GPC6: variants seen among roughly 807,000 people sequenced by gnomAD.
GPC6 encodes glypican-6.
Under a neutral mutation model 55.2 loss-of-function variants are expected in GPC6, and 14 were observed. The ratio of observed to expected loss-of-function variants is 0.25; its 90% CI spans 0.17 to 0.40. The LOEUF is 0.40. Ranked by LOEUF, GPC6 falls within the 10% of genes least tolerant of loss-of-function variation. GPC6 has a pLI of 1.00. For synonymous variants in GPC6, 278 were observed against 259.6 expected (o/e 1.07, Z -0.68); for missense variants, 641 against 708.5 (o/e 0.90, Z 1.08).
intron 1 of GPC6, among the ~76,000 whole-genome samples, chr13:93,449,679 T>G (rs540352072): frequency 6.6e-5 from 10 of 151,726 alleles, no homozygotes; most frequent in Non-Finnish European, 1.5e-4. Context: ...AATACAAAAA[T>G]TAGCCAGGCG....
intron 4 of GPC6, among the ~76,000 whole-genome samples, chr13:94,072,303 C>T (rs1051637397): frequency 6.6e-6 from 1 of 152,100 alleles, no homozygotes; most frequent in African/African-American, 2.4e-5. Context: ...CTTTTGCTTA[C>T]AATTTTTCCT....
chr13:93,416,176 T>A (rs895223278), intron 1 of GPC6, among the ~76,000 whole-genome samples: 2 of 152,106 alleles, frequency 1.3e-5, no homozygotes, highest in African/African-American at 4.8e-5. Context: ...CACTGGGTAC[T>A]GTCTCCTTGC....
chr13:93,290,034 A>G lies in GPC6; in HGVS notation c.160+62418A>G, dbSNP rs79917211. Reference sequence around the variant, plus strand: ...ATGGTAGAATTTCTTTACTCAGTTCAAAGGATTACTCATTTTTGTTTCATA... The same window carrying G: ...ATGGTAGAATTTCTTTACTCAGTTCGAAGGATTACTCATTTTTGTTTCATA... On this transcript the variant is annotated intron_variant, in intron 1 of 8. Transcript: ENST00000377047. 6.7e-3 allele frequency among the ~76,000 whole-genome samples: 1,013 copies of G among 152,284 alleles called. 12 individuals are homozygous for G. The highest frequency in any genetic ancestry group is 0.023 in the African/African-American group (955 of 41,560).
intron 4 of GPC6, among the ~76,000 whole-genome samples, chr13:94,097,653 G>T: frequency 6.6e-6 from 1 of 152,070 alleles, no homozygotes; most frequent in South Asian, 2.1e-4. Flanking sequence ...AAATAGTTAA[G>T]ATGGTAAATT....
At chr13:93,637,336 T>C (rs916303235) in intron 2 of GPC6, among the ~76,000 whole-genome samples, 4 of 152,156 alleles carry the variant, frequency 2.6e-5, no homozygotes, top group African/African-American at 9.7e-5. Flanking sequence ...TTGAGCCTCC[T>C]CATTCCCTGC....
intron 2 of GPC6, among the ~76,000 whole-genome samples, chr13:93,758,037 C>T (rs1222428451): frequency 1.4e-5 from 2 of 147,764 alleles, no homozygotes; most frequent in African/African-American, 5.3e-5. Context: ...ATTTTTTCCT[C>T]ACTTCTAGGC....
intron 6 of GPC6, among the ~76,000 whole-genome samples, chr13:94,371,228 G>A (rs1183396118): frequency 6.6e-6 from 1 of 152,024 alleles, no homozygotes; most frequent in Non-Finnish European, 1.5e-5. Context: ...TCAATCTCTA[G>A]ATTAAATATT....
intron 4 of GPC6, among the ~76,000 whole-genome samples, chr13:94,080,178 A>G (rs1429600255): frequency 1.3e-5 from 2 of 151,890 alleles, no homozygotes; most frequent in African/African-American, 4.8e-5. Flanking sequence ...CAATTCCCCA[A>G]CCCCCATGTG....
chr13:93,739,674 C>T (rs977867822), intron 2 of GPC6, among the ~76,000 whole-genome samples: 4 of 152,044 alleles, frequency 2.6e-5, no homozygotes, highest in African/African-American at 7.2e-5. Flanking sequence ...CGTGATCCAC[C>T]CGCCTCCACG....
intron 3 of GPC6, among the ~76,000 whole-genome samples, chr13:93,941,762 T>C (rs1484045500): frequency 2.6e-5 from 4 of 152,190 alleles, no homozygotes; most frequent in Non-Finnish European, 5.9e-5. Context: ...TAGACACTTA[T>C]ATAGACTTAT....
chr13:94,367,750 TTG>T (rs1248920757), intron 6 of GPC6, among the ~76,000 whole-genome samples: 1 of 152,166 alleles, frequency 6.6e-6, no homozygotes, highest in African/African-American at 2.4e-5. Flanking sequence ...AAACTAAGCA[TTG>T]TGTTTTCAAA....
chr13:93,840,952 T>C lies in GPC6; in HGVS notation c.711+10407T>C, dbSNP rs1887933429. Among the ~76,000 whole-genome samples, 4 of 152,174 alleles carry C rather than the reference T, an allele frequency of 2.6e-5. No homozygotes were observed. In the East Asian group the frequency reaches 7.7e-4, roughly 29 times the overall value. On this transcript the variant is annotated intron_variant, in intron 3 of 8. Transcript: ENST00000377047. ...ATCCCAGTCTCAATGCTGCCCATTT[T>C]TGGACATTTATTTCTGAATGCAATT...
intron 3 of GPC6, among the ~76,000 whole-genome samples, chr13:93,849,184 A>G (rs570904613): frequency 3.9e-5 from 6 of 152,142 alleles, no homozygotes; most frequent in Non-Finnish European, 7.4e-5. Flanking sequence ...TACTTCTATT[A>G]TATTACTTTT....
chr13:94,299,170 C>G (rs974564336), intron 5 of GPC6, among the ~76,000 whole-genome samples: 1 of 152,030 alleles, frequency 6.6e-6, no homozygotes, highest in Admixed American at 6.5e-5. Context: ...ATGGGTAATT[C>G]TGCGTAATCC....
At chr13:93,714,808 T>C (rs1037038823) in intron 2 of GPC6, among the ~76,000 whole-genome samples, 5 of 151,540 alleles carry the variant, frequency 3.3e-5, no homozygotes, top group African/African-American at 1.2e-4. Flanking sequence ...GTTACTATGT[T>C]TAATATGCAT....
intron 2 of GPC6, among the ~76,000 whole-genome samples, chr13:93,662,058 A>G (rs1234413821): frequency 3.9e-5 from 6 of 152,088 alleles, no homozygotes; most frequent in Non-Finnish European, 8.8e-5. Context: ...TATTCTCCCT[A>G]CTAGCATGAA....
At chr13:93,895,492 A>C (rs1417691807) in intron 3 of GPC6, among the ~76,000 whole-genome samples, 1 of 151,760 alleles carries the variant, frequency 6.6e-6, no homozygotes, top group Non-Finnish European at 1.5e-5. Context: ...TTGGGAATTG[A>C]TTCAAGTAAA....
chr13:94,288,941 A>ATTT (rs1874779104), intron 5 of GPC6, among the ~76,000 whole-genome samples: 2 of 7,802 alleles, frequency 2.6e-4, no homozygotes, highest in South Asian at 9.6e-3. Flanking sequence ...ATAGATAGAT[A>ATTT]GATAGATAGA....
At chr13:93,560,445 A>G (rs1875719431) in intron 2 of GPC6, among the ~76,000 whole-genome samples, 1 of 151,974 alleles carries the variant, frequency 6.6e-6, no homozygotes, top group Non-Finnish European at 1.5e-5. Flanking sequence ...ACTTCAGCCC[A>G]GGAGGTCCAG....
Sources: allele counts gnomAD v4.1 joint callset (sites outside exome capture counted in the v4.1 genomes callset), GRCh38; gene constraint gnomAD v4.1.1; transcripts MANE v1.5; gene names NCBI Gene and HGNC (gene_info 2026-07-23, HGNC 2026-07-21).